Variants in SLC8B1 observed in about 807,000 individuals in gnomAD.
The protein encoded by SLC8B1 is solute carrier family 8 member B1.
SLC8B1 carries 52 observed loss-of-function variants against 63.4 expected under a neutral mutation model. That is an observed-to-expected ratio of 0.82 (90% CI 0.66 to 1.03). The LOEUF is 1.03. Ranked by LOEUF, SLC8B1 falls within the 50% of genes least tolerant of loss-of-function variation. The pLI is 0.00. For missense variants in SLC8B1, 657 were observed against 741.7 expected (o/e 0.89, Z 1.33); for synonymous variants, 336 against 323.9 (o/e 1.04, Z -0.40).
Position 113,310,370 on chromosome 12 carries a change from A to T in SLC8B1, c.1136-15T>A, listed in dbSNP as rs778157096. The stretch of plus-strand genomic sequence containing the variant: ...ATAGACACCATCTGCAAAGGGAGAG[A>T]AAGGGAGCTGATACCTTCCCAGCAC... On this transcript the variant is annotated splice_polypyrimidine_tract_variant and intron_variant, in intron 11 of 15. Coordinates refer to ENST00000680972, the MANE Select transcript of SLC8B1 (RefSeq NM_001358345.2). 6.2e-7 allele frequency: 1 copy of T among 1,610,138 alleles called. No individual in the cohort carries two copies. The highest frequency in any genetic ancestry group is 8.5e-7 in the Non-Finnish European group (1 of 1,178,716).
At chr12:113,328,239 G>A (rs1048199700) in intron 2 of SLC8B1, among the ~76,000 whole-genome samples, 1 of 152,098 alleles carries the variant, frequency 6.6e-6, no homozygotes, top group Non-Finnish European at 1.5e-5. Flanking sequence ...TTGTTGGCCA[G>A]GCTAGTCTCA....
intron 11 of SLC8B1, among the ~76,000 whole-genome samples, chr12:113,311,537 T>C (rs2136836069): frequency 6.6e-6 from 1 of 151,936 alleles, no homozygotes; most frequent in African/African-American, 2.4e-5. Context: ...GGAGGATCAC[T>C]TGAGTCCCGG....
chr12:113,326,096 A>G (rs1956994158), intron 2 of SLC8B1, among the ~76,000 whole-genome samples: 1 of 152,252 alleles, frequency 6.6e-6, no homozygotes, highest in South Asian at 2.1e-4. Flanking sequence ...ACAGCCTGCA[A>G]GCCAAGAATG....
rs1488313770 is a variant in SLC8B1, at chr12:113,299,916, A to G, written c.1616T>C (p.Val539Ala). 6.2e-7 allele frequency: 1 copy of G among 1,614,166 alleles called. No individual in the cohort carries two copies. The highest frequency in any genetic ancestry group is 2.2e-5 in the East Asian group (1 of 44,886). The change falls in exon 16 of 16, where the codon GTC (valine) becomes GCC (alanine). Residue 539 changes from valine to alanine, a missense_variant. Val to Ala is a moderately conservative substitution (Grantham distance 64). Coordinates refer to ENST00000680972, the MANE Select transcript of SLC8B1 (RefSeq NM_001358345.2). ...VLAGALGLSL[V>A]FSLVSVPLQC... ...CAATGGGACTGAGACCAGGGAGAAG[A>G]CGAGGCTGAGCCCCAGGGCGCCTGC...
chr12:113,312,549 C>T (rs759023032), intron 11 of SLC8B1, among the ~76,000 whole-genome samples: 9 of 152,060 alleles, frequency 5.9e-5, no homozygotes, highest in Non-Finnish European at 1.2e-4. Flanking sequence ...GGCTGCTGCT[C>T]GGGAGGCTCA....
chr12:113,320,729 C>A lies in SLC8B1; in HGVS notation c.421-43G>T. 6.3e-7 allele frequency: 1 copy of A among 1,595,112 alleles called. No individual in the cohort carries two copies. The highest frequency in any genetic ancestry group is 8.5e-7 in the Non-Finnish European group (1 of 1,170,442). On this transcript the variant is annotated intron_variant, in intron 5 of 15. Coordinates refer to ENST00000680972, the MANE Select transcript of SLC8B1 (RefSeq NM_001358345.2). This position sits in a 1 kb window ranked among gnomAD's most constrained non-coding sequence, Gnocchi z 5.3. ...AGGCGGGCCAGGATCGCAGCTGCAG[C>A]CCACCCAGGCCTTCGACCCTATCCC...
chr12:113,316,974 C>T lies in SLC8B1; in HGVS notation c.830G>A (p.Arg277Gln), dbSNP rs769370805. ...ATAGCTGTTGGTATTAGAAGATACC[C>T]GGTCCTCCTCGGAGTCTGAGAGGAT... ...PEILSDSEEDRVSSNTNSYDY... is the reference protein window; with the variant it reads ...PEILSDSEEDQVSSNTNSYDY... The change falls in exon 9 of 16, where the codon CGG becomes CAG. Residue 277 changes from arginine (R) to glutamine (Q), a missense_variant. Arg to Gln is a conservative substitution (Grantham distance 43). Coordinates refer to ENST00000680972, the MANE Select transcript of SLC8B1 (RefSeq NM_001358345.2). 31 of 1,613,232 alleles carry T rather than the reference C, an allele frequency of 1.9e-5. No homozygotes were observed. The highest frequency in any genetic ancestry group is 7.6e-6 in the Non-Finnish European group (9 of 1,179,808).
Position 113,299,897 on chromosome 12 carries a change from G to T in SLC8B1, c.1635C>A (p.Val545=). ...GLSLVFSLVS[V]PLQCFQLSRV... ...TGCTGAGCTGGAAGCACTGCAATGG[G>T]ACTGAGACCAGGGAGAAGACGAGGC... Residue 545 remains valine (V), a synonymous_variant, in exon 16 of 16, where the codon GTC becomes GTA. Transcript: ENST00000680972. 1 of 1,614,234 alleles carries T rather than the reference G, an allele frequency of 6.2e-7. No homozygotes were observed. Among genetic ancestry groups the T allele is most frequent in the Middle Eastern group, 1.7e-4 (1 of 6,052 alleles).
chr12:113,320,183 C>T lies in SLC8B1; in HGVS notation c.694+148G>A, dbSNP rs1275015418. 2 of 997,822 alleles carry T rather than the reference C, an allele frequency of 2.0e-6. No individual in the cohort carries two copies. Among genetic ancestry groups the T allele is most frequent in the Non-Finnish European group, 2.9e-6 (2 of 681,344 alleles). The allele number at this position is 997,822 out of a possible 1,614,324, so 61.8% of individuals were successfully genotyped here. ...TGTGACCCACATGTTCCCATTTTTG[C>T]TCAAGCCAGCTTGAGGAGGGTTTCT... On this transcript the variant is annotated intron_variant, in intron 7 of 15. Coordinates refer to ENST00000680972, the MANE Select transcript of SLC8B1 (RefSeq NM_001358345.2). The surrounding 1 kb of genome is among the most constrained non-coding windows in gnomAD (Gnocchi z 5.3).
At chr12:113,315,227 T>G in intron 11 of SLC8B1, 108 bp downstream of exon 11, 2 of 1,165,006 alleles carry the variant, frequency 1.7e-6, no homozygotes, top group Non-Finnish European at 2.3e-6. Flanking sequence ...TGGAGGGAGG[T>G]TGCAGTGAGC....
chr12:113,332,902 T>C lies in SLC8B1; in HGVS notation c.-24A>G. On this transcript the variant is annotated 5_prime_UTR_variant, in exon 2 of 16. Coordinates refer to ENST00000680972, the MANE Select transcript of SLC8B1 (RefSeq NM_001358345.2). ...ATCTGCCCCCACGGGGCCTGGCCCT[T>C]ACTCTCCACTTCCCTTTCTGCAGTA... The C allele has an allele frequency of 6.2e-7, 1 of 1,611,232 alleles. No individual in the cohort carries two copies. The highest frequency in any genetic ancestry group is 8.5e-7 in the Non-Finnish European group (1 of 1,179,160).
intron 7 of SLC8B1, among the ~76,000 whole-genome samples, chr12:113,319,599 C>T (rs1475917233): frequency 2.0e-5 from 3 of 152,086 alleles, no homozygotes; most frequent in Admixed American, 6.5e-5. Flanking sequence ...TGAGTGCGTT[C>T]GCAGCTCCCA....
intron 12 of SLC8B1, chr12:113,308,609 T>C (rs1160259891): frequency 6.6e-6 from 1 of 152,140 alleles, no homozygotes; most frequent in Non-Finnish European, 1.5e-5. Flanking sequence ...AATGCCACAG[T>C]GTGTGATCCT....
In SLC8B1 at chr12:113,316,616, C is replaced by T. The variant is rs768306742; in HGVS notation, c.903G>A (p.Thr301=). Residue 301 remains threonine, a synonymous_variant, in exon 10 of 16, where the codon ACG becomes ACA. Coordinates refer to ENST00000680972, the MANE Select transcript of SLC8B1 (RefSeq NM_001358345.2). ...TGAGGGCCCGGACCAGGATCTGAGCCGTGGTCTCCTGGTAGAAGAACAGCG... is the reference window on the plus strand; with the variant it reads ...TGAGGGCCCGGACCAGGATCTGAGCTGTGGTCTCCTGGTAGAAGAACAGCG... ...YRPLFFYQET[T]AQILVRALNP... 1.3e-5 allele frequency: 21 copies of T among 1,614,098 alleles called. No homozygotes were observed. Among genetic ancestry groups the T allele is most frequent in the Non-Finnish European group, 1.7e-5 (20 of 1,180,034 alleles).
At chr12:113,324,986 G>A (rs1401682257) in intron 2 of SLC8B1, among the ~76,000 whole-genome samples, 3 of 152,152 alleles carry the variant, frequency 2.0e-5, no homozygotes, top group African/African-American at 7.2e-5. Context: ...TTACAGGTGT[G>A]AGCCTCCATG....
In SLC8B1 at chr12:113,299,782, T is replaced by C. The variant is rs141451836; in HGVS notation, c.1750A>G (p.Met584Val). 1.2e-6 allele frequency: 2 copies of C among 1,614,006 alleles called. No individual in the cohort carries two copies. Among genetic ancestry groups the C allele is most frequent in the African/African-American group, 1.3e-5 (1 of 74,928 alleles). ...TEFGVIHLKSM is the reference protein window; with the variant it reads ...TEFGVIHLKSV ...ACAGCACTAAGCGGCTTCAGTCACATGCTTTTCAGGTGAATCACTCCAAAT... is the reference window on the plus strand; with the variant it reads ...ACAGCACTAAGCGGCTTCAGTCACACGCTTTTCAGGTGAATCACTCCAAAT... The change falls in exon 16 of 16, where the codon ATG becomes GTG. Residue 584 changes from methionine (M) to valine (V), a missense_variant. Transcript: ENST00000680972.
At position 113,299,578 on chromosome 12, in the gene SLC8B1, G is replaced by A. The variant is rs138994781; in HGVS notation, c.*199C>T. ...AAGCCAGGTTTCCAAGGTCCCCACG[G>A]CAAGGCTGTTGGGTGCTGGCAGCAA... On this transcript the variant is annotated 3_prime_UTR_variant, in exon 16 of 16. Coordinates refer to ENST00000680972, the MANE Select transcript of SLC8B1 (RefSeq NM_001358345.2). 3,040 of 595,466 alleles carry A rather than the reference G, an allele frequency of 5.1e-3. 20 individuals are homozygous for A. The highest frequency in any genetic ancestry group is 0.015 in the African/African-American group (831 of 53,904). The allele number at this position is 595,466 out of a possible 1,614,324, so 36.9% of individuals were successfully genotyped here.
chr12:113,306,105 G>A (rs1007864919), intron 14 of SLC8B1, among the ~76,000 whole-genome samples: 2 of 136,008 alleles, frequency 1.5e-5, no homozygotes, highest in Non-Finnish European at 3.3e-5. Flanking sequence ...GAATTCTCTG[G>A]CCCTTTTAGA....
At chr12:113,301,340 T>TC (rs1168040508) in intron 15 of SLC8B1, among the ~76,000 whole-genome samples, 2 of 147,576 alleles carry the variant, frequency 1.4e-5, no homozygotes, top group Admixed American at 1.3e-4. Flanking sequence ...AGGCTTTTTT[T>TC]TTTTTTTTTT....
Sources: gnomAD v4.1 joint callset for allele counts (sites outside exome capture counted in the v4.1 genomes callset) on GRCh38, gnomAD v4.1.1 for gene constraint, Gnocchi (gnomAD v3.1) non-coding constraint, MANE v1.5 for transcripts, NCBI Gene and HGNC (gene_info 2026-07-23, HGNC 2026-07-21) for gene names.